The following CATSPERE variants were observed in gnomAD, a reference collection of about 807,000 sequenced individuals.
CATSPERE encodes catsper channel auxiliary subunit epsilon.
A neutral mutation model predicts 114.1 loss-of-function variants in CATSPERE; 93 were observed. The observed-to-expected ratio is 0.81, with a 90% CI of 0.69 to 0.97. The LOEUF (loss-of-function observed/expected upper bound fraction) is 0.97. CATSPERE is among the 50% of genes least tolerant of loss of function. CATSPERE has a pLI of 0.00. For missense variants in CATSPERE, 1,058 were observed against 1,131.6 expected, an observed-to-expected ratio of 0.93 and a Z score of 0.93; for synonymous variants, 341 against 384.1, an observed-to-expected ratio of 0.89 and a Z score of 1.31.
chr1:244,572,325 T>C lies in CATSPERE; in HGVS notation c.1508-5T>C, dbSNP rs886227151. 1 of 1,346,536 alleles carries C rather than the reference T, an allele frequency of 7.4e-7. No individual in the cohort carries two copies. The highest frequency in any genetic ancestry group is 1.0e-6 in the Non-Finnish European group (1 of 976,186). 83.4% of individuals were successfully genotyped at this position (1,346,536 alleles called of 1,614,324 possible). A position where few individuals can be genotyped will look rare whatever the true frequency, so the allele number is the denominator to read the frequency against. ...GACTAACACAAACTTTTCTCTTTTT[T>C]CCAGATTATTATGGAGATATTTTGG... On this transcript the variant is annotated splice_polypyrimidine_tract_variant and splice_region_variant and intron_variant, in intron 10 of 21. Coordinates refer to ENST00000366534, the MANE Select transcript of CATSPERE (RefSeq NM_001130957.2).
At chr1:244,456,421 GA>G (rs1000603598), upstream of CATSPERE, among the ~76,000 whole-genome samples, 3 of 152,044 alleles carry the variant, frequency 2.0e-5, no homozygotes, top group Non-Finnish European at 2.9e-5. Flanking sequence ...TCTGGTGTGT[GA>G]TGTTTATATA....
At chr1:244,475,339 T>C (rs1669146333) in intron 2 of CATSPERE, among the ~76,000 whole-genome samples, 1 of 151,848 alleles carries the variant, frequency 6.6e-6, no homozygotes, top group Admixed American at 6.6e-5. Context: ...GTTCAAGGGA[T>C]TCTCCTGCCT....
chr1:244,504,144 C>G lies in CATSPERE; in HGVS notation c.429+5065C>G, dbSNP rs1033556994. Among the ~76,000 whole-genome samples the G allele has an allele frequency of 6.6e-6, 1 of 152,110 alleles. No homozygotes were observed. The highest frequency in any genetic ancestry group is 2.4e-5 in the African/African-American group (1 of 41,418). ...ATATTCCTCTGTTCACCATGTTTAACAAATAAAAGAGCACACAAATATCCA... is the reference window on the plus strand; with the variant it reads ...ATATTCCTCTGTTCACCATGTTTAAGAAATAAAAGAGCACACAAATATCCA... On this transcript the variant is annotated intron_variant, in intron 7 of 21. Coordinates refer to ENST00000366534, the MANE Select transcript of CATSPERE (RefSeq NM_001130957.2). This position sits in a 1 kb window ranked among gnomAD's most constrained non-coding sequence, Gnocchi z 4.1.
intron 8 of CATSPERE, among the ~76,000 whole-genome samples, chr1:244,528,009 A>G (rs912082915): frequency 6.6e-6 from 1 of 152,210 alleles, no homozygotes; most frequent in Non-Finnish European, 1.5e-5. Context: ...TGTGTTACAT[A>G]GGTAACATGT....
chr1:244,494,283 A>T (rs1361151945), intron 6 of CATSPERE, among the ~76,000 whole-genome samples: 40 of 152,074 alleles, frequency 2.6e-4, no homozygotes, highest in South Asian at 4.2e-4. Context: ...TAAAAAATGA[A>T]GAATTCATGT....
At chr1:244,500,694 A>G (rs957764028) in intron 7 of CATSPERE, among the ~76,000 whole-genome samples, 12 of 152,146 alleles carry the variant, frequency 7.9e-5, no homozygotes, top group African/African-American at 2.9e-4. Context: ...GTTCTGTTCC[A>G]TTGGTCTATA....
chr1:244,525,289 T>C (rs1484032291), intron 8 of CATSPERE, among the ~76,000 whole-genome samples: 1 of 134,736 alleles, frequency 7.4e-6, no homozygotes, highest in Non-Finnish European at 1.5e-5. Flanking sequence ...AATTGAACAA[T>C]GAGAACACAT....
chr1:244,472,379 AG>A (rs1668630147), intron 2 of CATSPERE, among the ~76,000 whole-genome samples: 1 of 152,200 alleles, frequency 6.6e-6, no homozygotes, highest in African/African-American at 2.4e-5. Context: ...CTAATATCAG[AG>A]TCACAATTCC....
intron 6 of CATSPERE, among the ~76,000 whole-genome samples, chr1:244,492,274 G>C (rs1672315273): frequency 6.6e-6 from 1 of 152,132 alleles, no homozygotes; most frequent in Non-Finnish European, 1.5e-5. Flanking sequence ...TCCCTGGGAT[G>C]CAAGGCTGGT....
intron 9 of CATSPERE, among the ~76,000 whole-genome samples, chr1:244,553,628 C>CACACACAA: frequency 6.8e-6 from 1 of 147,310 alleles, no homozygotes; most frequent in Non-Finnish European, 1.5e-5. Flanking sequence ...CACACACACA[C>CACACACAA]ACACACACAC....
chr1:244,535,279 A>G (rs1680210848), intron 8 of CATSPERE, among the ~76,000 whole-genome samples: 1 of 152,108 alleles, frequency 6.6e-6, no homozygotes. Flanking sequence ...ATGTTCACTC[A>G]AGGCCCTAGG....
intron 1 of CATSPERE, 59 bp downstream of exon 1, chr1:244,461,553 G>A (rs1239702775): frequency 5.6e-6 from 7 of 1,244,966 alleles, no homozygotes; most frequent in African/African-American, 1.6e-5. Flanking sequence ...GGCGGGGCAG[G>A]CGGGAGGGTC....
At chr1:244,461,984 A>T (rs994859085) in intron 1 of CATSPERE, among the ~76,000 whole-genome samples, 82 of 148,558 alleles carry the variant, frequency 5.5e-4, no homozygotes, top group African/African-American at 1.9e-3. Flanking sequence ...TGGCTAAATT[A>T]AAAAAAAAAA....
chr1:244,551,860 T>C (rs1022789126), intron 8 of CATSPERE, among the ~76,000 whole-genome samples: 74 of 151,694 alleles, frequency 4.9e-4, no homozygotes, highest in African/African-American at 1.7e-3. Context: ...GTCAGGAGAT[T>C]GAGACCATCC....
chr1:244,551,606 T>C (rs979808541), intron 8 of CATSPERE, among the ~76,000 whole-genome samples: 2 of 152,114 alleles, frequency 1.3e-5, no homozygotes, highest in African/African-American at 4.8e-5. Flanking sequence ...GTAGGCATGG[T>C]ACATGAGAGA....
intron 21 of CATSPERE, chr1:244,636,438 CA>C (rs1231220339): frequency 2.0e-5 from 3 of 152,142 alleles, no homozygotes; most frequent in Non-Finnish European, 4.4e-5. Flanking sequence ...GAATAATCTG[CA>C]AATGAAGTCA....
intron 17 of CATSPERE, among the ~76,000 whole-genome samples, chr1:244,604,184 A>C (rs1214358776): frequency 6.6e-6 from 1 of 152,256 alleles, no homozygotes; most frequent in Non-Finnish European, 1.5e-5. Flanking sequence ...CAGAGCTCTC[A>C]GTAGAGTTTT....
intron 20 of CATSPERE, among the ~76,000 whole-genome samples, chr1:244,630,851 T>C (rs1317067803): frequency 6.6e-6 from 1 of 152,060 alleles, no homozygotes; most frequent in South Asian, 2.1e-4. Flanking sequence ...CTATACATTA[T>C]AATAAAGGAT....
At chr1:244,593,457 G>C (rs1226968332) in intron 16 of CATSPERE, 29 bp downstream of exon 16, 3 of 1,613,618 alleles carry the variant, frequency 1.9e-6, no homozygotes, top group Non-Finnish European at 2.5e-6. Context: ...TCTGTCAATG[G>C]ACCAAATATA....
Sources: gnomAD v4.1 joint callset for allele counts (sites outside exome capture counted in the v4.1 genomes callset) on GRCh38, gnomAD v4.1.1 for gene constraint, Gnocchi (gnomAD v3.1) non-coding constraint, MANE v1.5 for transcripts, NCBI Gene and HGNC (gene_info 2026-07-23, HGNC 2026-07-21) for gene names.